Variants in DOK6 observed in about 807,000 individuals in gnomAD.
DOK6 encodes downstream of tyrosine kinase 6.
DOK6 carries 22 observed loss-of-function variants against 44.0 expected under a neutral mutation model. The observed-to-expected ratio is 0.50, with a 90% CI of 0.36 to 0.71. The LOEUF (loss-of-function observed/expected upper bound fraction) is 0.71, where lower values mean the gene tolerates loss of function less well. Ranked by LOEUF, DOK6 falls within the 30% of genes least tolerant of loss-of-function variation. The pLI is 0.00. For synonymous variants in DOK6, 166 were observed against 145.5 expected (o/e 1.14, Z -1.01); for missense variants, 340 against 416.4 (o/e 0.82, Z 1.60).
At chr18:69,786,785 C>T (rs1980443031) in intron 7 of DOK6, among the ~76,000 whole-genome samples, 1 of 152,206 alleles carries the variant, frequency 6.6e-6, no homozygotes, top group Admixed American at 6.5e-5. Context: ...ATTTTGCAGA[C>T]ATTTTGTTAT....
intron 7 of DOK6, among the ~76,000 whole-genome samples, chr18:69,812,780 A>G (rs1184162759): frequency 6.6e-6 from 1 of 152,092 alleles, no homozygotes; most frequent in African/African-American, 2.4e-5. Context: ...GGTGAAGGGG[A>G]ATCAAGGCAC....
At chr18:69,421,353 G>C (rs1348461462) in intron 1 of DOK6, among the ~76,000 whole-genome samples, 1 of 152,172 alleles carries the variant, frequency 6.6e-6, no homozygotes, top group Non-Finnish European at 1.5e-5. Flanking sequence ...AGAGTACCAA[G>C]TTCTGAATAT....
In DOK6 at chr18:69,420,942, C is replaced by G. The variant is rs552791129; in HGVS notation, c.66+19632C>G. ...ACCATTGGCTGTATCTATTTCAATTCACAGTCCCTGATGAGTGCCTCAACC... is the reference window on the plus strand; with the variant it reads ...ACCATTGGCTGTATCTATTTCAATTGACAGTCCCTGATGAGTGCCTCAACC... On this transcript the variant is annotated intron_variant, in intron 1 of 7. Transcript: ENST00000382713. Among the ~76,000 whole-genome samples, 7 of 152,254 alleles carry G rather than the reference C, an allele frequency of 4.6e-5. No individual in the cohort carries two copies. The South Asian group carries it at 1.5e-3, about 32-fold the overall frequency.
intron 1 of DOK6, among the ~76,000 whole-genome samples, chr18:69,504,632 G>A (rs896454523): frequency 6.6e-6 from 1 of 152,064 alleles, no homozygotes; most frequent in African/African-American, 2.4e-5. Context: ...GTTTTTAGCA[G>A]TCTATGCAAA....
At chr18:69,454,216 AAAAC>A (rs1979554365) in intron 1 of DOK6, among the ~76,000 whole-genome samples, 1 of 34,800 alleles carries the variant, frequency 2.9e-5, no homozygotes, top group Non-Finnish European at 4.9e-5. Flanking sequence ...TTACAAGAAA[AAAAC>A]AAACAACCCC....
chr18:69,534,908 G>C (rs976986547), intron 1 of DOK6, among the ~76,000 whole-genome samples: 1 of 151,962 alleles, frequency 6.6e-6, no homozygotes, highest in African/African-American at 2.4e-5. Flanking sequence ...ACTTTTGAAC[G>C]TTAGGCTCAC....
At chr18:69,687,418 AC>A (rs35023356) in intron 4 of DOK6, among the ~76,000 whole-genome samples, 9,785 of 152,286 alleles carry the variant, frequency 0.064, 313 homozygotes, top group African/African-American at 0.095. Flanking sequence ...ACGGTGGCTC[AC>A]ACCTGTGATC....
chr18:69,512,684 A>G (rs1568281560), intron 1 of DOK6, among the ~76,000 whole-genome samples: 1 of 152,110 alleles, frequency 6.6e-6, no homozygotes, highest in Non-Finnish European at 1.5e-5. Flanking sequence ...GTTCGTTTTT[A>G]ATAGTGGGGG....
intron 1 of DOK6, among the ~76,000 whole-genome samples, chr18:69,415,606 A>G (rs1371173531): frequency 6.6e-6 from 1 of 152,108 alleles, no homozygotes; most frequent in Middle Eastern, 3.2e-3. Context: ...TGATACAGTG[A>G]GTGCATGCAG....
chr18:69,576,374 C>T (rs1983239250), intron 2 of DOK6, among the ~76,000 whole-genome samples: 1 of 151,384 alleles, frequency 6.6e-6, no homozygotes. Context: ...TGGTTAGTTA[C>T]AAGTTTAAGA....
At position 69,501,340 on chromosome 18, in the gene DOK6, G is replaced by C. The variant is rs901592552; in HGVS notation, c.67-63147G>C. On this transcript the variant is annotated intron_variant, in intron 1 of 7. Coordinates refer to ENST00000382713, the MANE Select transcript of DOK6 (RefSeq NM_152721.6). ...CTAGGTAATCAAGCTCCGAATAAAA[G>C]AGTACAGTTTTCAAAAGTTATACTA... 2.6e-5 allele frequency among the ~76,000 whole-genome samples: 4 copies of C among 152,066 alleles called. No homozygotes were observed. In the East Asian group the frequency reaches 7.7e-4, roughly 29 times the overall value.
chr18:69,807,780 CTAAA>C (rs745987328), intron 7 of DOK6, among the ~76,000 whole-genome samples: 4 of 151,224 alleles, frequency 2.6e-5, no homozygotes, highest in South Asian at 2.1e-4. Context: ...ATTGGAGCAC[CTAAA>C]TAAATAAAGC....
intron 1 of DOK6, among the ~76,000 whole-genome samples, chr18:69,472,983 T>A (rs1206776682): frequency 6.6e-6 from 1 of 152,236 alleles, no homozygotes; most frequent in Non-Finnish European, 1.5e-5. Flanking sequence ...TGGCATTAGC[T>A]TCCCTTGTTT....
chr18:69,572,847 CA>C (rs1983148569), intron 2 of DOK6, among the ~76,000 whole-genome samples: 1 of 151,894 alleles, frequency 6.6e-6, no homozygotes, highest in Admixed American at 6.6e-5. Context: ...ATGACTTTGA[CA>C]AAAGCTGTTT....
At chr18:69,434,516 C>G (rs150555910) in intron 1 of DOK6, among the ~76,000 whole-genome samples, 1,974 of 152,026 alleles carry the variant, frequency 0.013, 35 homozygotes, top group African/African-American at 0.044. Context: ...GGTGGCCAGG[C>G]ACGGTGGCTC....
intron 3 of DOK6, among the ~76,000 whole-genome samples, chr18:69,630,907 A>G (rs1984675465): frequency 6.6e-6 from 1 of 152,222 alleles, no homozygotes; most frequent in African/African-American, 2.4e-5. Flanking sequence ...CAGGCTATAA[A>G]AAGTAGATGC....
intron 1 of DOK6, among the ~76,000 whole-genome samples, chr18:69,549,363 T>C (rs2144587115): frequency 6.6e-6 from 1 of 151,638 alleles, no homozygotes; most frequent in Non-Finnish European, 1.5e-5. Flanking sequence ...ACCATGCTTT[T>C]TTTATTAAAT....
At chr18:69,677,301 ATG>A (rs1985943819) in intron 3 of DOK6, among the ~76,000 whole-genome samples, 1 of 151,080 alleles carries the variant, frequency 6.6e-6, no homozygotes, top group South Asian at 2.1e-4. Context: ...ATAAAATTAA[ATG>A]TATTTATTAT....
At chr18:69,714,665 T>C (rs191409094) in intron 5 of DOK6, among the ~76,000 whole-genome samples, 86 of 152,296 alleles carry the variant, frequency 5.6e-4, no homozygotes, top group African/African-American at 2.0e-3. Context: ...CTAATAAACG[T>C]TGCAAAGAGA....
Sources: allele counts gnomAD v4.1 joint callset (sites outside exome capture counted in the v4.1 genomes callset), GRCh38; gene constraint gnomAD v4.1.1; transcripts MANE v1.5; gene names NCBI Gene and HGNC (gene_info 2026-07-23, HGNC 2026-07-21).